RAD51B: variants seen among roughly 807,000 people sequenced by gnomAD.
RAD51B encodes RAD51 paralog B.
RAD51B carries 38 observed loss-of-function variants against 42.2 expected under a neutral mutation model. The ratio of observed to expected loss-of-function variants is 0.90; its 90% CI spans 0.70 to 1.18. The LOEUF is 1.18. Among genes scored for constraint, RAD51B ranks in the 50% most tolerant of loss-of-function variants. The pLI is 0.00. For missense variants in RAD51B, 373 were observed against 400.7 expected (o/e 0.93, Z 0.59); for synonymous variants, 154 against 145.2 (o/e 1.06, Z -0.43).
intron 5 of RAD51B, among the ~76,000 whole-genome samples, chr14:67,885,569 T>A (rs893201412): frequency 6.6e-6 from 1 of 152,218 alleles, no homozygotes; most frequent in African/African-American, 2.4e-5. Flanking sequence ...GCTGCTACTC[T>A]AAATATCACT....
chr14:67,849,701 A>T lies in RAD51B; in HGVS notation c.315+14505A>T, dbSNP rs553417625. ...ATTTTCAACAGCTTGGCAATCATAAAGTGAAGTTTTCAGTTCCAGAAGCTC... is the reference window on the plus strand; with the variant it reads ...ATTTTCAACAGCTTGGCAATCATAATGTGAAGTTTTCAGTTCCAGAAGCTC... On this transcript the variant is annotated intron_variant, in intron 4 of 10. Transcript: ENST00000471583. Among the ~76,000 whole-genome samples the T allele has an allele frequency of 3.3e-5, 5 of 152,336 alleles. No homozygotes were observed. The East Asian group carries it at 7.7e-4, about 23-fold the overall frequency.
At chr14:68,444,704 G>T (rs1226854072) in intron 9 of RAD51B, among the ~76,000 whole-genome samples, 2 of 152,204 alleles carry the variant, frequency 1.3e-5, no homozygotes, top group African/African-American at 4.8e-5. Flanking sequence ...ACTGGCATTT[G>T]CTGTATTTTG....
At position 67,907,164 on chromosome 14, in the gene RAD51B, A is replaced by AT. The variant is rs1310583787; in HGVS notation, c.756+19967dup. Among the ~76,000 whole-genome samples, 5 of 150,824 alleles carry AT rather than the reference A, an allele frequency of 3.3e-5. No homozygotes were observed. The East Asian group carries it at 7.8e-4, about 23-fold the overall frequency. ...ACCTAGTGGTCTATCAATCTTATTC[A>AT]TTTTTTTCAAAGGGCCAGCTTTTGG... is the stretch of plus-strand genomic sequence containing the variant. On this transcript the variant is annotated intron_variant, in intron 7 of 10. Transcript: ENST00000471583.
intron 7 of RAD51B, among the ~76,000 whole-genome samples, chr14:67,925,276 C>T (rs968820986): frequency 6.8e-6 from 1 of 147,288 alleles, no homozygotes; most frequent in Non-Finnish European, 1.5e-5. Flanking sequence ...ATTTACCATT[C>T]TTCTTTTTTT....
intron 8 of RAD51B, among the ~76,000 whole-genome samples, chr14:68,393,319 A>G (rs1242477641): frequency 6.6e-6 from 1 of 152,220 alleles, no homozygotes; most frequent in African/African-American, 2.4e-5. Context: ...TCTTCAGTGC[A>G]CCGTCAAACT....
intron 7 of RAD51B, among the ~76,000 whole-genome samples, chr14:67,997,859 G>C (rs756403321): frequency 1.3e-5 from 2 of 151,898 alleles, no homozygotes; most frequent in African/African-American, 4.8e-5. Flanking sequence ...TATCTTTCTC[G>C]TGCCAAATCT....
At chr14:68,410,471 A>G (rs987834300) in intron 8 of RAD51B, among the ~76,000 whole-genome samples, 6 of 152,222 alleles carry the variant, frequency 3.9e-5, no homozygotes, top group African/African-American at 1.4e-4. Context: ...TCTGGAGGCA[A>G]CAAGGCACAC....
intron 8 of RAD51B, among the ~76,000 whole-genome samples, chr14:68,409,280 A>G (rs2084359010): frequency 6.6e-6 from 1 of 152,336 alleles, no homozygotes; most frequent in African/African-American, 2.4e-5. Flanking sequence ...TATTTCTATC[A>G]AAAAGGGGAA....
At chr14:68,356,781 A>T (rs2082914335) in intron 8 of RAD51B, among the ~76,000 whole-genome samples, 1 of 151,934 alleles carries the variant, frequency 6.6e-6, no homozygotes, top group Non-Finnish European at 1.5e-5. Flanking sequence ...GGAGATCGAG[A>T]CCATCCCGGC....
At chr14:68,097,267 C>T (rs903893619) in intron 7 of RAD51B, among the ~76,000 whole-genome samples, 5 of 151,470 alleles carry the variant, frequency 3.3e-5, no homozygotes, top group Non-Finnish European at 7.4e-5. Context: ...AAAACATTTG[C>T]CTCCCTAAAG....
Position 68,210,419 on chromosome 14 carries a change from G to A in RAD51B, c.757-81465G>A, listed in dbSNP as rs186320077. On this transcript the variant is annotated intron_variant, in intron 7 of 10. Transcript: ENST00000471583. ...AAATACTCTGGAGCCAAATAGATAGGACTACCTTAAAAATGTTCTTGTACA... is the reference window on the plus strand; with the variant it reads ...AAATACTCTGGAGCCAAATAGATAGAACTACCTTAAAAATGTTCTTGTACA... Among the ~76,000 whole-genome samples, 14 of 152,260 alleles carry A rather than the reference G, an allele frequency of 9.2e-5. No homozygotes were observed. In the East Asian group the frequency reaches 2.1e-3, roughly 23 times the overall value.
At chr14:68,147,294 A>G (rs1467115078) in intron 7 of RAD51B, among the ~76,000 whole-genome samples, 1 of 152,240 alleles carries the variant, frequency 6.6e-6, no homozygotes, top group African/African-American at 2.4e-5. Context: ...ATCTACTTTT[A>G]AAAATTAGTT....
intron 11 of RAD51B, among the ~76,000 whole-genome samples, chr14:68,659,066 G>A (rs1248041939): frequency 6.6e-6 from 1 of 152,236 alleles, no homozygotes; most frequent in African/African-American, 2.4e-5. Flanking sequence ...CTGCTGGCAA[G>A]GGTGACCGTG....
chr14:68,421,481 CT>C (rs1440301146), intron 9 of RAD51B, among the ~76,000 whole-genome samples: 5 of 152,002 alleles, frequency 3.3e-5, no homozygotes, highest in Non-Finnish European at 4.4e-5. Context: ...CAAATTCTTT[CT>C]TTTTTGTTGT....
intron 10 of RAD51B, among the ~76,000 whole-genome samples, chr14:68,549,776 C>CT (rs1045682651): frequency 1.3e-5 from 2 of 152,150 alleles, no homozygotes; most frequent in Admixed American, 1.3e-4. Context: ...ATAGGTATTT[C>CT]TTTTTACTAA....
chr14:67,900,570 C>T (rs181789527), intron 7 of RAD51B, among the ~76,000 whole-genome samples: 1 of 148,794 alleles, frequency 6.7e-6, no homozygotes, highest in Admixed American at 6.7e-5. Context: ...GTATTTTAGA[C>T]TCATGACTCA....
intron 10 of RAD51B, among the ~76,000 whole-genome samples, chr14:68,533,094 T>A (rs544462203): frequency 2.0e-5 from 3 of 152,190 alleles, no homozygotes; most frequent in African/African-American, 7.2e-5. Flanking sequence ...GTATAAGAAT[T>A]GAAAAAAAAA....
At chr14:68,573,229 G>T (rs1889799259) in intron 10 of RAD51B, among the ~76,000 whole-genome samples, 1 of 152,082 alleles carries the variant, frequency 6.6e-6, no homozygotes, top group Non-Finnish European at 1.5e-5. Context: ...AAAGCCAGAG[G>T]CTCATGTGGC....
intron 10 of RAD51B, chr14:68,470,577 A>G: frequency 2.0e-6 from 1 of 507,980 alleles, no homozygotes; most frequent in Non-Finnish European, 3.9e-6. Flanking sequence ...GTCGCAACCC[A>G]TTGGTGGGTC....
Sources: gnomAD v4.1 joint callset for allele counts (sites outside exome capture counted in the v4.1 genomes callset) on GRCh38, gnomAD v4.1.1 for gene constraint, MANE v1.5 for transcripts, NCBI Gene and HGNC (gene_info 2026-07-23, HGNC 2026-07-21) for gene names.